Variants in ITPA observed in about 807,000 individuals in gnomAD.
ITPA encodes the protein inosine triphosphate pyrophosphatase.
Under a neutral mutation model 29.6 loss-of-function variants are expected in ITPA, and 29 were observed. That is an observed-to-expected ratio of 0.98 (90% confidence interval 0.73 to 1.34). ITPA has a LOEUF of 1.34. Ranked by LOEUF, ITPA falls within the 40% of genes most tolerant of loss-of-function variation. The pLI is 0.00. For synonymous variants in ITPA, 103 were observed against 99.3 expected (o/e 1.04, Z -0.22); for missense variants, 241 against 251.5 (o/e 0.96, Z 0.28).
intron 6 of ITPA, among the ~76,000 whole-genome samples, chr20:3,219,997 G>A (rs931796406): frequency 1.4e-5 from 2 of 138,568 alleles, no homozygotes; most frequent in African/African-American, 5.5e-5. Flanking sequence ...AGCTATGATC[G>A]CACTCCTGCA....
chr20:3,205,529 C>T (rs2067064657), upstream of ITPA, among the ~76,000 whole-genome samples: 1 of 152,002 alleles, frequency 6.6e-6, no homozygotes, highest in Non-Finnish European at 1.5e-5. Flanking sequence ...TGATGAAACC[C>T]TGTCTCTACA....
chr20:3,213,711 A>G (rs772267717), intron 3 of ITPA, among the ~76,000 whole-genome samples: 9 of 152,180 alleles, frequency 5.9e-5, no homozygotes, highest in Non-Finnish European at 1.0e-4. Context: ...GAACTGAGAA[A>G]GCACGCTGCG....
Position 3,223,595 on chromosome 20 carries a change from ACCG to A in ITPA, c.*134_*136del, listed in dbSNP as rs1188133412. The A allele has an allele frequency of 8.4e-6, 6 of 713,488 alleles. No homozygotes were observed. Among genetic ancestry groups the A allele is most frequent in the African/African-American group, 1.7e-5 (1 of 57,420 alleles). 44.2% of individuals were successfully genotyped at this position (713,488 alleles called of 1,614,324 possible). ...CTTTGTGAGGGTGTCGAGTAGCCTC[ACCG>A]GCCTGTCTGGAGGAGCAGCTGGCTC... On this transcript the variant is annotated 3_prime_UTR_variant, in exon 8 of 8. Transcript: ENST00000380113.
chr20:3,218,411 T>TC (rs2067366512), intron 5 of ITPA, 106 bp from the exon 6 acceptor site: 1 of 809,690 alleles, frequency 1.2e-6, no homozygotes, highest in Admixed American at 2.0e-5. Flanking sequence ...AGACCTAATT[T>TC]CCCCTTTTAG....
upstream of ITPA, among the ~76,000 whole-genome samples, chr20:3,205,359 G>A (rs959411546): frequency 6.6e-6 from 1 of 152,012 alleles, no homozygotes; most frequent in Non-Finnish European, 1.5e-5. Context: ...GGGGAGGGGA[G>A]GGGAGGGCAG....
At chr20:3,210,677 G>A (rs2067150074) in intron 1 of ITPA, among the ~76,000 whole-genome samples, 1 of 152,150 alleles carries the variant, frequency 6.6e-6, no homozygotes, top group South Asian at 2.1e-4. Context: ...CAGTCAGGCA[G>A]TCCACCCTGA....
In ITPA at chr20:3,220,581, C is replaced by T. The variant is rs180687823; in HGVS notation, c.412-1260C>T. Among the ~76,000 whole-genome samples, 239 of 152,102 alleles carry T rather than the reference C, an allele frequency of 1.6e-3. 1 individual carries two copies. Among genetic ancestry groups the T allele is most frequent in the Non-Finnish European group, 1.5e-4 (10 of 68,000 alleles). On this transcript the variant is annotated intron_variant, in intron 6 of 7. Coordinates refer to ENST00000380113, the MANE Select transcript of ITPA (RefSeq NM_033453.4). ...AAAATGTTTTTGAGACAGGGTCTTG[C>T]TTTGTCACCCAGGCTGGAGTGTAGT...
Position 3,214,023 on chromosome 20 carries a change from C to T in ITPA, c.228C>T (p.Cys76=). ...GPVLVEDTCL[C]FNALGGLPGP... is the part of the protein sequence containing the mutation. ...TGCTGGTTGAGGACACTTGTCTGTGCTTCAATGCCCTTGGAGGGCTCCCCG... is the reference window on the plus strand; with the variant it reads ...TGCTGGTTGAGGACACTTGTCTGTGTTTCAATGCCCTTGGAGGGCTCCCCG... The change falls in exon 4 of 8, where the codon TGC becomes TGT. Residue 76 remains cysteine, a synonymous_variant. Coordinates refer to ENST00000380113, the MANE Select transcript of ITPA (RefSeq NM_033453.4). The T allele has an allele frequency of 6.2e-7, 1 of 1,614,192 alleles. No homozygotes were observed. Among genetic ancestry groups the T allele is most frequent in the South Asian group, 1.1e-5 (1 of 91,088 alleles).
chr20:3,210,247 C>T (rs2067141103), intron 1 of ITPA, among the ~76,000 whole-genome samples: 1 of 152,204 alleles, frequency 6.6e-6, no homozygotes. Flanking sequence ...CAGATGACTC[C>T]TGTGGGAATA....
At chr20:3,213,849 C>T (rs2067228342) in intron 3 of ITPA, 136 bp from the exon 4 acceptor site, 2 of 877,312 alleles carry the variant, frequency 2.3e-6, no homozygotes, top group African/African-American at 3.3e-5. Flanking sequence ...TGGCCGAGGG[C>T]AGCTCCCATG....
chr20:3,217,906 G>GTT (rs375450991), intron 5 of ITPA, among the ~76,000 whole-genome samples: 83 of 137,788 alleles, frequency 6.0e-4, no homozygotes, highest in African/African-American at 1.9e-3. Context: ...GTTTTTGTGG[G>GTT]TTTTTTTTTG....
At chr20:3,206,152 G>A (rs185212099), upstream of ITPA, among the ~76,000 whole-genome samples, 1 of 151,938 alleles carries the variant, frequency 6.6e-6, no homozygotes, top group Non-Finnish European at 1.5e-5. Flanking sequence ...ACTTTGGGAG[G>A]CTGAGGTGGG....
chr20:3,206,222 C>G (rs1317036043), upstream of ITPA, among the ~76,000 whole-genome samples: 1 of 149,264 alleles, frequency 6.7e-6, no homozygotes, highest in Admixed American at 6.7e-5. Flanking sequence ...AACCCTGTCT[C>G]TACTAAAAAT....
chr20:3,206,408 AAAAG>A (rs2067070717), upstream of ITPA, among the ~76,000 whole-genome samples: 3 of 150,094 alleles, frequency 2.0e-5, no homozygotes, highest in Admixed American at 6.7e-5. Context: ...AAAAAAAAAA[AAAAG>A]CTGGGCACCG....
At chr20:3,204,679 A>G (rs1422554666), upstream of ITPA, 12 of 1,466,152 alleles carry the variant, frequency 8.2e-6, no homozygotes, top group African/African-American at 2.8e-5. Flanking sequence ...CCGGGATCTC[A>G]TAGGCCCCGC....
chr20:3,225,357 A>T (rs984574160), downstream of ITPA, among the ~76,000 whole-genome samples: 4 of 152,164 alleles, frequency 2.6e-5, no homozygotes, highest in African/African-American at 9.7e-5. Flanking sequence ...ACAGGACTAG[A>T]GGACTGGGAC....
chr20:3,220,301 G>A (rs953287477), intron 6 of ITPA, among the ~76,000 whole-genome samples: 1 of 151,796 alleles, frequency 6.6e-6, no homozygotes, highest in South Asian at 2.1e-4. Context: ...TAAGTGATCC[G>A]CTGGCCTCAT....
downstream of ITPA, among the ~76,000 whole-genome samples, chr20:3,226,452 G>A (rs558228037): frequency 3.3e-5 from 5 of 152,196 alleles, no homozygotes; most frequent in Admixed American, 6.5e-5. This position sits in a 1 kb window ranked among gnomAD's most constrained non-coding sequence, Gnocchi z 4.4. Context: ...ATTGGTTCTC[G>A]GGGCCCTGGG....
chr20:3,211,536 A>G (rs2067174762), intron 1 of ITPA, among the ~76,000 whole-genome samples: 1 of 151,582 alleles, frequency 6.6e-6, no homozygotes, highest in Admixed American at 6.6e-5. Context: ...TCTGTTGCCC[A>G]GGCTGGAGTG....
Sources: gnomAD v4.1 joint callset for allele counts (sites outside exome capture counted in the v4.1 genomes callset) on GRCh38, gnomAD v4.1.1 for gene constraint, Gnocchi (gnomAD v3.1) non-coding constraint, MANE v1.5 for transcripts, NCBI Gene and HGNC (gene_info 2026-07-23, HGNC 2026-07-21) for gene names.